CNBD2: variants seen among roughly 807,000 people sequenced by gnomAD.
The protein encoded by CNBD2 is cyclic nucleotide-binding domain-containing protein 2.
A neutral mutation model predicts 63.7 loss-of-function variants in CNBD2; 64 were observed. The observed-to-expected ratio is 1.00, with a 90% CI of 0.82 to 1.24. The LOEUF (loss-of-function observed/expected upper bound fraction) is 1.24, where lower values mean the gene tolerates loss of function less well. Ranked by LOEUF, CNBD2 falls within the 50% of genes most tolerant of loss-of-function variation. The pLI is 0.00. For missense variants in CNBD2, 691 were observed against 713.5 expected, an observed-to-expected ratio of 0.97 and a Z score of 0.36; for synonymous variants, 229 against 255.4, an observed-to-expected ratio of 0.90 and a Z score of 0.99.
At chr20:35,994,590 A>C (rs558550538) in intron 7 of CNBD2, among the ~76,000 whole-genome samples, 376 of 141,060 alleles carry the variant, frequency 2.7e-3, no homozygotes, top group African/African-American at 9.6e-3. Flanking sequence ...AAAAAAAAAG[A>C]AAAAAAAAAA....
chr20:35,989,011 T>C (rs1463679219), intron 7 of CNBD2, among the ~76,000 whole-genome samples: 4 of 152,232 alleles, frequency 2.6e-5, no homozygotes, highest in African/African-American at 7.2e-5. Context: ...ATCTCCCATT[T>C]CTCAAGTGCT....
At position 36,025,627 on chromosome 20, in the gene CNBD2, A is replaced by G. The variant is rs558137512; in HGVS notation, c.1439+1856A>G. Among the ~76,000 whole-genome samples, 9 of 147,108 alleles carry G rather than the reference A, an allele frequency of 6.1e-5. No homozygotes were observed. In the East Asian group the frequency reaches 1.6e-3, roughly 26 times the overall value. Reference sequence around the variant, plus strand: ...TTATAATTATTAAAAATAAATATGTATCTTGAAAGATTAGATAATTTTTTT... The same window carrying G: ...TTATAATTATTAAAAATAAATATGTGTCTTGAAAGATTAGATAATTTTTTT... On this transcript the variant is annotated intron_variant, in intron 11 of 11. Transcript: ENST00000373973.
intron 4 of CNBD2, among the ~76,000 whole-genome samples, chr20:35,982,725 C>A (rs949474695): frequency 6.6e-6 from 1 of 150,804 alleles, no homozygotes; most frequent in Non-Finnish European, 1.5e-5. Context: ...TCATTGTGCC[C>A]AATTTTTTTT....
At chr20:35,964,937 G>A (rs1307091289), upstream of CNBD2, among the ~76,000 whole-genome samples, 2 of 152,000 alleles carry the variant, frequency 1.3e-5, no homozygotes, top group Non-Finnish European at 2.9e-5. Context: ...TCTTGACCTC[G>A]TGATCTGTCC....
chr20:35,970,389 CTTTG>C (rs1487223892), intron 1 of CNBD2, among the ~76,000 whole-genome samples: 2 of 151,846 alleles, frequency 1.3e-5, no homozygotes, highest in African/African-American at 2.4e-5. Context: ...CTCTTTTTTC[CTTTG>C]TTTGTTTTTA....
At position 35,994,498 on chromosome 20, in the gene CNBD2, C is replaced by T. The variant is rs565478070; in HGVS notation, c.856-540C>T. On this transcript the variant is annotated intron_variant, in intron 7 of 11. Coordinates refer to ENST00000373973, the MANE Select transcript of CNBD2 (RefSeq NM_001365709.1). ...GCTGGGATTACAGTCCGTGAGCCAC[C>T]GTGCCTGGCTTATATTTAGTTCTTA... Among the ~76,000 whole-genome samples the T allele has an allele frequency of 4.9e-4, 74 of 151,354 alleles. No individual in the cohort carries two copies. In the South Asian group the frequency reaches 5.2e-3, roughly 11 times the overall value.
chr20:35,975,900 G>C, intron 2 of CNBD2, 49 bp from the exon 3 acceptor site: 1 of 1,548,334 alleles, frequency 6.5e-7, no homozygotes, highest in Non-Finnish European at 8.9e-7. Context: ...CAAAGTTCTA[G>C]GGGCAGTCTT....
At chr20:35,975,127 G>A (rs1158344859) in intron 2 of CNBD2, among the ~76,000 whole-genome samples, 55 of 133,376 alleles carry the variant, frequency 4.1e-4, no homozygotes, top group African/African-American at 1.3e-3. Flanking sequence ...TCAGCCTCCC[G>A]AGTAGCTGGG....
chr20:35,985,108 A>G (rs2056650351), intron 6 of CNBD2, among the ~76,000 whole-genome samples: 1 of 151,990 alleles, frequency 6.6e-6, no homozygotes, highest in Non-Finnish European at 1.5e-5. Context: ...CCTGGACAAC[A>G]TAGTGAAATC....
In CNBD2 at chr20:36,011,404, A is replaced by G. The variant is rs893427163; in HGVS notation, c.1269+147A>G. The G allele has an allele frequency of 2.3e-5, 25 of 1,091,062 alleles. No homozygotes were observed. In the African/African-American group the frequency reaches 3.6e-4, roughly 16 times the overall value. 67.6% of individuals were successfully genotyped at this position (1,091,062 alleles called of 1,614,324 possible). A position where few individuals can be genotyped will look rare whatever the true frequency, so the allele number is the denominator to read the frequency against. On this transcript the variant is annotated intron_variant, in intron 10 of 11. Coordinates refer to ENST00000373973, the MANE Select transcript of CNBD2 (RefSeq NM_001365709.1). ...TGATTTGTAAAGATGTGATAAGAAT[A>G]GGCCGGGCGCGGTGGCTCACACCTG... is the stretch of plus-strand genomic sequence containing the variant.
At chr20:35,984,584 T>G (rs1205214330) in intron 5 of CNBD2, 43 bp from the exon 6 acceptor site, 1 of 1,601,970 alleles carries the variant, frequency 6.2e-7, no homozygotes, top group African/African-American at 1.3e-5. Flanking sequence ...GGACAGGAAG[T>G]GGAGGTGGCC....
upstream of CNBD2, chr20:35,954,615 G>T (rs970282870): frequency 1.5e-6 from 2 of 1,356,540 alleles, no homozygotes; most frequent in African/African-American, 1.5e-5. Flanking sequence ...GCGGGAGGGC[G>T]AGCTGCGCGT....
intron 10 of CNBD2, among the ~76,000 whole-genome samples, chr20:36,021,682 A>T (rs1045376437): frequency 1.3e-5 from 2 of 152,084 alleles, no homozygotes; most frequent in Non-Finnish European, 2.9e-5. Context: ...AGCCTTGATT[A>T]ACAGCTGAGA....
In CNBD2 at chr20:35,980,567, C is replaced by G; in HGVS notation, c.352C>G (p.Arg118Gly). The change falls in exon 4 of 12, where the codon CGG (arginine) becomes GGG (glycine). Residue 118 changes from arginine to glycine, a missense_variant. Transcript: ENST00000373973. ...CNILQVLDSY[R>G]NYAEPLQLLL... ...CATCTTGCAGGTTCTGGATAGCTAT[C>G]GGAACTACGCAGAGCCCCTGCAGCT... The G allele has an allele frequency of 1.2e-6, 2 of 1,614,088 alleles. No homozygotes were observed. Among genetic ancestry groups the G allele is most frequent in the Non-Finnish European group, 1.7e-6 (2 of 1,180,038 alleles).
chr20:36,022,680 G>C (rs2057232315), intron 10 of CNBD2, among the ~76,000 whole-genome samples: 1 of 151,856 alleles, frequency 6.6e-6, no homozygotes, highest in African/African-American at 2.4e-5. Context: ...GCCCAGGCTG[G>C]AGTGCAGTGG....
chr20:36,015,946 G>A (rs1389869978), intron 10 of CNBD2, among the ~76,000 whole-genome samples: 1 of 152,108 alleles, frequency 6.6e-6, no homozygotes, highest in African/African-American at 2.4e-5. Flanking sequence ...GGCAAGGGGG[G>A]AATGAAGTAA....
intron 10 of CNBD2, among the ~76,000 whole-genome samples, chr20:36,015,127 T>A (rs1342539324): frequency 5.3e-5 from 8 of 152,218 alleles, no homozygotes; most frequent in Admixed American, 5.2e-4. Context: ...ATGTTGAGCA[T>A]TTTTTTCATA....
At chr20:36,000,438 G>T (rs1045340271) in intron 8 of CNBD2, among the ~76,000 whole-genome samples, 1 of 151,966 alleles carries the variant, frequency 6.6e-6, no homozygotes, top group Non-Finnish European at 1.5e-5. Context: ...GTGCAATAGT[G>T]TAATCTCGGC....
At chr20:35,967,810 G>A, upstream of CNBD2, among the ~76,000 whole-genome samples, 1 of 152,078 alleles carries the variant, frequency 6.6e-6, no homozygotes, top group East Asian at 1.9e-4. Context: ...CTGAGATTGG[G>A]CCACTGCACT....
Sources: gnomAD v4.1 joint callset for allele counts (sites outside exome capture counted in the v4.1 genomes callset) on GRCh38, gnomAD v4.1.1 for gene constraint, MANE v1.5 for transcripts, NCBI Gene and HGNC (gene_info 2026-07-23, HGNC 2026-07-21) for gene names.